Variants in CTNNBL1 observed in about 807,000 individuals in gnomAD.
CTNNBL1 encodes the protein beta-catenin-like protein 1.
Under a neutral mutation model 72.7 loss-of-function variants are expected in CTNNBL1, and 31 were observed. The ratio of observed to expected loss-of-function variants is 0.43; its 90% CI spans 0.32 to 0.58. CTNNBL1 has a LOEUF of 0.58. Among genes scored for constraint, CTNNBL1 ranks in the 20% least tolerant of loss-of-function variants. The pLI, the probability that CTNNBL1 is intolerant of heterozygous loss-of-function variation, is 0.08. For missense variants in CTNNBL1, 534 were observed against 725.1 expected, an observed-to-expected ratio of 0.74 and a Z score of 3.03; for synonymous variants, 240 against 267.3, an observed-to-expected ratio of 0.90 and a Z score of 1.00.
At chr20:37,764,397 A>G (rs191907843) in intron 5 of CTNNBL1, among the ~76,000 whole-genome samples, 16 of 152,324 alleles carry the variant, frequency 1.1e-4, no homozygotes, top group Non-Finnish European at 2.9e-5. Context: ...GATTGTGCAC[A>G]GGAGGTAGCA....
intron 11 of CTNNBL1, among the ~76,000 whole-genome samples, chr20:37,839,653 T>C (rs551985995): frequency 2.4e-4 from 36 of 152,344 alleles, no homozygotes; most frequent in African/African-American, 8.4e-4. Flanking sequence ...TCATATTTCA[T>C]ATTTAATTCC....
At chr20:37,759,241 G>A (rs915728295) in intron 5 of CTNNBL1, among the ~76,000 whole-genome samples, 6 of 152,178 alleles carry the variant, frequency 3.9e-5, no homozygotes, top group Non-Finnish European at 4.4e-5. Flanking sequence ...TTTGAGGGGC[G>A]TCTGAGGAAA....
chr20:37,711,610 A>G (rs1161919166), intron 1 of CTNNBL1, among the ~76,000 whole-genome samples: 1 of 150,012 alleles, frequency 6.7e-6, no homozygotes, highest in Non-Finnish European at 1.5e-5. Flanking sequence ...AATTTCAAAT[A>G]GGAATATGAA....
At chr20:37,840,049 T>G (rs1600521086) in intron 11 of CTNNBL1, 53 bp from the exon 12 acceptor site, 1 of 1,308,742 alleles carries the variant, frequency 7.6e-7, no homozygotes, top group Non-Finnish European at 1.1e-6. Context: ...TGAAGAGAGG[T>G]AATAATTACT....
At chr20:37,800,821 C>T (rs1076664) in intron 10 of CTNNBL1, among the ~76,000 whole-genome samples, 52,534 of 152,002 alleles carry the variant, frequency 0.35, 9,535 homozygotes, top group Admixed American at 0.48. Flanking sequence ...TGCTCCTTGG[C>T]GTACCTCAAA....
chr20:37,820,802 T>G (rs969156764), intron 11 of CTNNBL1, among the ~76,000 whole-genome samples: 1 of 152,198 alleles, frequency 6.6e-6, no homozygotes, highest in Non-Finnish European at 1.5e-5. Flanking sequence ...CTTTGTAAAT[T>G]GCCCAGTCTC....
At chr20:37,787,405 C>T (rs146204103) in intron 10 of CTNNBL1, among the ~76,000 whole-genome samples, 6,792 of 131,694 alleles carry the variant, frequency 0.052, 200 homozygotes, top group Middle Eastern at 0.086. Context: ...AGTGCAGTGG[C>T]GGGATCTCGG....
At chr20:37,788,204 G>A (rs938788167) in intron 10 of CTNNBL1, among the ~76,000 whole-genome samples, 1 of 152,104 alleles carries the variant, frequency 6.6e-6, no homozygotes, top group African/African-American at 2.4e-5. Context: ...AGCACTTTCT[G>A]CACCATGCAT....
At chr20:37,855,046 C>G (rs903381360) in intron 13 of CTNNBL1, among the ~76,000 whole-genome samples, 2 of 149,760 alleles carry the variant, frequency 1.3e-5, no homozygotes, top group South Asian at 2.1e-4. Flanking sequence ...CACGCAATGC[C>G]TAGTATGTAG....
At chr20:37,742,634 G>A (rs1475084181) in intron 3 of CTNNBL1, among the ~76,000 whole-genome samples, 1 of 152,004 alleles carries the variant, frequency 6.6e-6, no homozygotes, top group Non-Finnish European at 1.5e-5. Flanking sequence ...AATTGATTCT[G>A]TCAGCTGCTG....
chr20:37,866,761 G>A (rs1304852182), intron 15 of CTNNBL1, among the ~76,000 whole-genome samples: 1 of 152,182 alleles, frequency 6.6e-6, no homozygotes, highest in African/African-American at 2.4e-5. Flanking sequence ...GCCTCTCTCA[G>A]GAAGCCTCCA....
intron 12 of CTNNBL1, 128 bp from the exon 13 acceptor site, chr20:37,842,211 G>T (rs1188173991): frequency 4.4e-6 from 3 of 684,100 alleles, no homozygotes; most frequent in African/African-American, 3.5e-5. Context: ...TCTCTCATCC[G>T]CTGTAAGGAG....
intron 13 of CTNNBL1, among the ~76,000 whole-genome samples, chr20:37,855,964 C>T (rs60988476): frequency 0.013 from 1,959 of 152,218 alleles, 44 homozygotes; most frequent in African/African-American, 0.045. Context: ...GGGCTGGGCA[C>T]AGCGCCTCAT....
chr20:37,756,076 G>T (rs1419969546), intron 4 of CTNNBL1, among the ~76,000 whole-genome samples: 2 of 151,514 alleles, frequency 1.3e-5, no homozygotes, highest in East Asian at 3.9e-4. Flanking sequence ...TTGCTTTCTA[G>T]TCTCCCTGTC....
chr20:37,837,758 G>A (rs750920199), intron 11 of CTNNBL1, among the ~76,000 whole-genome samples: 21 of 152,142 alleles, frequency 1.4e-4, no homozygotes, highest in Admixed American at 3.3e-4. Context: ...CTTTTATATC[G>A]ATAGCCTGCT....
chr20:37,862,510 C>T (rs148514398), intron 15 of CTNNBL1, among the ~76,000 whole-genome samples: 191 of 152,284 alleles, frequency 1.3e-3, no homozygotes, highest in Admixed American at 2.1e-3. Context: ...TGTTGTGAGC[C>T]CTAGCCTCTG....
At chr20:37,763,480 A>G (rs560267205) in intron 5 of CTNNBL1, among the ~76,000 whole-genome samples, 1 of 152,296 alleles carries the variant, frequency 6.6e-6, no homozygotes, top group East Asian at 1.9e-4. Context: ...TTCATTTGTG[A>G]TTCAGGTATC....
At chr20:37,805,499 C>T (rs2071950262) in intron 11 of CTNNBL1, among the ~76,000 whole-genome samples, 2 of 151,286 alleles carry the variant, frequency 1.3e-5, no homozygotes, top group South Asian at 2.1e-4. Context: ...CAGGTTCAAC[C>T]GATTCTCCTG....
In CTNNBL1 at chr20:37,757,618, G is replaced by C; in HGVS notation, c.526G>C (p.Glu176Gln). 1 of 1,613,874 alleles carries C rather than the reference G, an allele frequency of 6.2e-7. No homozygotes were observed. The highest frequency in any genetic ancestry group is 1.1e-5 in the South Asian group (1 of 91,060). Residue 176 changes from glutamate to glutamine, a missense_variant, in exon 5 of 16, where the codon GAG (glutamate) becomes CAG (glutamine). Transcript: ENST00000361383. ...QELTDIDTLH[E>Q]SEEGAEVLID... The stretch of plus-strand genomic sequence containing the variant: ...ATTAACAGATATAGACACCCTCCAT[G>C]AGAGTGAAGAGGGAGCAGAAGTGCT...
Sources: gnomAD v4.1 joint callset for allele counts (sites outside exome capture counted in the v4.1 genomes callset) on GRCh38, gnomAD v4.1.1 for gene constraint, MANE v1.5 for transcripts, NCBI Gene and HGNC (gene_info 2026-07-23, HGNC 2026-07-21) for gene names.